The following LCLAT1 variants were observed in gnomAD, a reference collection of about 807,000 sequenced individuals.
LCLAT1 encodes 1-AGP acyltransferase 8.
In LCLAT1, 11 loss-of-function variants were observed where a neutral mutation model predicts 30.7. The observed-to-expected ratio is 0.36, with a 90% CI of 0.23 to 0.59. The LOEUF (loss-of-function observed/expected upper bound fraction) is 0.59, where lower values mean the gene tolerates loss of function less well. Among genes scored for constraint, LCLAT1 ranks in the 20% least tolerant of loss-of-function variants. LCLAT1 has a pLI of 0.77. For missense variants in LCLAT1, 402 were observed against 458.6 expected (o/e 0.88, Z 1.13); for synonymous variants, 155 against 151.3 (o/e 1.02, Z -0.18).
At chr2:30,509,183 T>A (rs1296432340) in intron 1 of LCLAT1, among the ~76,000 whole-genome samples, 3 of 152,232 alleles carry the variant, frequency 2.0e-5, no homozygotes, top group Non-Finnish European at 4.4e-5. Context: ...GACTTTGGGT[T>A]TTCTAGATAT....
chr2:30,479,210 C>T (rs975554590), intron 1 of LCLAT1, among the ~76,000 whole-genome samples: 2 of 151,876 alleles, frequency 1.3e-5, no homozygotes, highest in African/African-American at 2.4e-5. Flanking sequence ...AGAGTATATA[C>T]TTGTTTTTTG....
intron 5 of LCLAT1, among the ~76,000 whole-genome samples, chr2:30,612,858 T>C (rs140896632): frequency 2.5e-3 from 386 of 152,260 alleles, no homozygotes; most frequent in Middle Eastern, 6.8e-3. Context: ...ATTCAATTTA[T>C]ATATTTCCTG....
chr2:30,631,575 TC>T (rs1269786424), intron 5 of LCLAT1, among the ~76,000 whole-genome samples: 2 of 152,220 alleles, frequency 1.3e-5, no homozygotes, highest in African/African-American at 4.8e-5. Flanking sequence ...TGTTGCCAGA[TC>T]CAGTAGAGGT....
chr2:30,489,054 T>A (rs1163567303), intron 1 of LCLAT1: 1 of 152,140 alleles, frequency 6.6e-6, no homozygotes, highest in East Asian at 1.9e-4. Flanking sequence ...CTCATCCTGG[T>A]TTAGAGTTGA....
intron 5 of LCLAT1, among the ~76,000 whole-genome samples, chr2:30,600,731 C>T (rs975425632): frequency 2.6e-5 from 4 of 151,922 alleles, no homozygotes; most frequent in Non-Finnish European, 5.9e-5. Context: ...TCATTTTGAC[C>T]TTTGAGAATC....
chr2:30,477,347 G>A (rs1425997788), intron 1 of LCLAT1, among the ~76,000 whole-genome samples: 2 of 152,160 alleles, frequency 1.3e-5, no homozygotes, highest in African/African-American at 2.4e-5. Context: ...TCAGGTTAGT[G>A]CTTGTTGTTT....
chr2:30,533,001 G>A (rs987393702), intron 2 of LCLAT1, 115 bp from the exon 3 acceptor site: 1 of 742,834 alleles, frequency 1.3e-6, no homozygotes, highest in Admixed American at 2.3e-5. Flanking sequence ...AAGGATCATG[G>A]GAAATACTAA....
chr2:30,538,909 A>G (rs1005028598), intron 3 of LCLAT1, among the ~76,000 whole-genome samples: 33 of 152,048 alleles, frequency 2.2e-4, no homozygotes, highest in Non-Finnish European at 4.7e-4. Context: ...CAGCAAAGAA[A>G]AGCTCAGCAC....
At chr2:30,482,983 G>T (rs1352453738) in intron 1 of LCLAT1, among the ~76,000 whole-genome samples, 2 of 152,068 alleles carry the variant, frequency 1.3e-5, no homozygotes, top group Non-Finnish European at 2.9e-5. Flanking sequence ...GAGACATGAT[G>T]GCTAAATGTA....
At chr2:30,617,510 C>T (rs1448877857) in intron 5 of LCLAT1, among the ~76,000 whole-genome samples, 1 of 152,070 alleles carries the variant, frequency 6.6e-6, no homozygotes, top group African/African-American at 2.4e-5. Flanking sequence ...TGTATTAATA[C>T]AAGAATTTGT....
chr2:30,501,068 G>A (rs1163137467), intron 1 of LCLAT1, among the ~76,000 whole-genome samples: 1 of 130,494 alleles, frequency 7.7e-6, no homozygotes, highest in African/African-American at 3.1e-5. Context: ...TTTTTGTTTT[G>A]TTTTGTTCTG....
At chr2:30,608,365 A>G (rs1227236021) in intron 5 of LCLAT1, among the ~76,000 whole-genome samples, 1 of 151,798 alleles carries the variant, frequency 6.6e-6, no homozygotes, top group African/African-American at 2.4e-5. Flanking sequence ...TTAATTTATT[A>G]TTGATGAAAG....
At chr2:30,517,294 A>G (rs1486363426) in intron 1 of LCLAT1, among the ~76,000 whole-genome samples, 3 of 152,088 alleles carry the variant, frequency 2.0e-5, no homozygotes, top group Admixed American at 6.5e-5. Context: ...CACCTAGGCT[A>G]TGAACCCAGG....
intron 5 of LCLAT1, among the ~76,000 whole-genome samples, chr2:30,589,110 C>T (rs776621657): frequency 5.3e-5 from 8 of 152,140 alleles, no homozygotes; most frequent in Non-Finnish European, 8.8e-5. Context: ...AGCAAATTGG[C>T]CTGCTTTCCA....
intron 1 of LCLAT1, among the ~76,000 whole-genome samples, chr2:30,489,432 A>C (rs1683726809): frequency 6.6e-6 from 1 of 151,520 alleles, no homozygotes; most frequent in Non-Finnish European, 1.5e-5. Flanking sequence ...GGCTCACTGC[A>C]AGCTCTGCCT....
intron 5 of LCLAT1, among the ~76,000 whole-genome samples, chr2:30,628,523 G>T (rs1341180553): frequency 6.6e-6 from 1 of 152,148 alleles, no homozygotes; most frequent in East Asian, 1.9e-4. Context: ...TGCTTTACCA[G>T]ATATTGAGTC....
intron 1 of LCLAT1, among the ~76,000 whole-genome samples, chr2:30,472,091 G>T (rs987303721): frequency 6.6e-6 from 1 of 152,122 alleles, no homozygotes; most frequent in Non-Finnish European, 1.5e-5. Context: ...AAACTTTAAA[G>T]AAGCTAATTT....
At position 30,523,823 on chromosome 2, in the gene LCLAT1, G is replaced by A. The variant is rs186819826; in HGVS notation, c.-4-1764G>A. Among the ~76,000 whole-genome samples, 10 of 152,278 alleles carry A rather than the reference G, an allele frequency of 6.6e-5. No homozygotes were observed. The East Asian group carries it at 1.7e-3, about 26-fold the overall frequency. ...GCAGAGCTTGCAGTGAGCCCAGATCGCACCACTGTACTTCAGCCTAGCGAC... is the reference window on the plus strand; with the variant it reads ...GCAGAGCTTGCAGTGAGCCCAGATCACACCACTGTACTTCAGCCTAGCGAC... On this transcript the variant is annotated intron_variant, in intron 1 of 5. Coordinates refer to ENST00000379509, the MANE Select transcript of LCLAT1 (RefSeq NM_001002257.3).
chr2:30,467,961 G>A (rs377000773), intron 1 of LCLAT1, among the ~76,000 whole-genome samples: 3,772 of 152,094 alleles, frequency 0.025, 127 homozygotes, highest in African/African-American at 0.08. Context: ...CCATTTGTCA[G>A]TTTTGGCTTT....
Sources: gnomAD v4.1 joint callset for allele counts (sites outside exome capture counted in the v4.1 genomes callset) on GRCh38, gnomAD v4.1.1 for gene constraint, MANE v1.5 for transcripts, NCBI Gene and HGNC (gene_info 2026-07-23, HGNC 2026-07-21) for gene names.